Variants in TFPI2 observed in about 807,000 individuals in gnomAD.
The protein encoded by TFPI2 is placental protein 5.
In TFPI2, 23 loss-of-function variants were observed where a neutral mutation model predicts 23.1. The ratio of observed to expected loss-of-function variants is 1.00; its 90% confidence interval spans 0.72 to 1.41. The LOEUF is 1.41. Ranked by LOEUF, TFPI2 falls within the 40% of genes most tolerant of loss-of-function variation. TFPI2 has a pLI of 0.00. For synonymous variants in TFPI2, 119 were observed against 111.7 expected (o/e 1.07, Z -0.41); for missense variants, 291 against 299.6 (o/e 0.97, Z 0.21).
chr7:93,887,331 G>A lies in TFPI2; in HGVS notation c.561C>T (p.Thr187=), dbSNP rs754679984. The A allele has an allele frequency of 3.2e-5, 52 of 1,613,636 alleles. No homozygotes were observed. The East Asian group carries it at 9.8e-4, about 30-fold the overall frequency. ...NPRYRTCDAF[T]YTGCGGNDNN... ...TGTCATTCCCTCCACAGCCAGTATA[G>A]GTGAAAGCATCACAGGTTCTGTATC... Residue 187 remains threonine (T), a synonymous_variant, in exon 4 of 5, where the codon ACC becomes ACT. Transcript: ENST00000222543.
At chr7:93,887,470 A>G in intron 3 of TFPI2, 39 bp from the exon 4 acceptor site, 1 of 1,533,402 alleles carries the variant, frequency 6.5e-7, no homozygotes, top group Non-Finnish European at 8.9e-7. Context: ...ATGTTATAAT[A>G]CCAGAATTTT....
At chr7:93,888,950 G>T in intron 3 of TFPI2, 85 bp downstream of exon 3, 2 of 1,245,538 alleles carry the variant, frequency 1.6e-6, no homozygotes, top group Non-Finnish European at 1.1e-6. Context: ...AAATGCACAT[G>T]TTAATTTCGC....
At chr7:93,888,607 G>GAAAGAAAGAAAGAAAGAAAGAA (rs1247111128) in intron 3 of TFPI2, among the ~76,000 whole-genome samples, 1 of 140,260 alleles carries the variant, frequency 7.1e-6, no homozygotes, top group Non-Finnish European at 1.5e-5. Context: ...AAGAAAGAAA[G>GAAAGAAAGAAAGAAAGAAAGAA]AGAAAAAGAA....
In TFPI2 at chr7:93,889,186, G is replaced by A; in HGVS notation, c.309C>T (p.Asp103=). The change falls in exon 3 of 5, where the codon GAC becomes GAT. Residue 103 remains aspartate, a synonymous_variant. Transcript: ENST00000222543. ...PKVCRLQVSV[D]DQCEGSTEKY... is the part of the protein sequence containing the mutation. ...TTTCTGTGGACCCCTCACACTGGTCGTCCACACTCACTTGCAGCCGGCAAA... is the reference window on the plus strand; with the variant it reads ...TTTCTGTGGACCCCTCACACTGGTCATCCACACTCACTTGCAGCCGGCAAA... The A allele has an allele frequency of 2.5e-6, 4 of 1,599,614 alleles. No individual in the cohort carries two copies. Among genetic ancestry groups the A allele is most frequent in the East Asian group, 4.5e-5 (2 of 44,346 alleles).
rs754214799 is a variant in TFPI2 at position 93,887,291 on chromosome 7, T to G, written c.601A>C (p.Arg201=). 1 of 1,612,498 alleles carries G rather than the reference T, an allele frequency of 6.2e-7. No homozygotes were observed. The highest frequency in any genetic ancestry group is 1.3e-5 in the African/African-American group (1 of 74,912). ...CGGNDNNFVS[R]EDCKRACAKA... is the part of the protein sequence containing the mutation. ...GCACATGCACGTTTGCAATCCTCCC[T>G]GCTAACAAAGTTATTGTCATTCCCT... Residue 201 remains arginine, a synonymous_variant, in exon 4 of 5, where the codon AGG becomes CGG. Transcript: ENST00000222543.
rs1447745330 is a variant in TFPI2, at chr7:93,885,832, T to C, written c.*988A>G. 6.6e-6 allele frequency: 1 copy of C among 152,078 alleles called. No individual in the cohort carries two copies. The highest frequency in any genetic ancestry group is 2.4e-5 in the African/African-American group (1 of 41,446). The allele number at this position is 152,078 out of a possible 1,614,324, so 9.4% of individuals were successfully genotyped here. On this transcript the variant is annotated 3_prime_UTR_variant, in exon 5 of 5. Transcript: ENST00000222543. ...TTGTTCAAGCAAAAGGTAAACGCATTTGTCATTTTGCATATTTAATTTGTA... is the reference window on the plus strand; with the variant it reads ...TTGTTCAAGCAAAAGGTAAACGCATCTGTCATTTTGCATATTTAATTTGTA...
At chr7:93,887,849 TCCAGGTAA>T (rs1363756638) in intron 3 of TFPI2, among the ~76,000 whole-genome samples, 10 of 152,198 alleles carry the variant, frequency 6.6e-5, no homozygotes, top group African/African-American at 9.7e-5. Flanking sequence ...CATACTAATT[TCCAGGTAA>T]CCACTGGAGC....
chr7:93,886,368 G>A lies in TFPI2; in HGVS notation c.*452C>T, dbSNP rs1584074030. 6.6e-6 allele frequency: 1 copy of A among 152,552 alleles called. No homozygotes were observed. Among genetic ancestry groups the A allele is most frequent in the South Asian group, 2.1e-4 (1 of 4,846 alleles). 9.4% of individuals were successfully genotyped at this position (152,552 alleles called of 1,614,324 possible). A position where few individuals can be genotyped will look rare whatever the true frequency, so the allele number is the denominator to read the frequency against. On this transcript the variant is annotated 3_prime_UTR_variant, in exon 5 of 5. Transcript: ENST00000222543. ...AAAATGGGAGTAATATTTTTAAAGT[G>A]TTGTTAATCTGCGACTTTGTCTTCT...
Position 93,889,082 on chromosome 7 carries a change from C to T in TFPI2, c.413G>A (p.Arg138Lys), listed in dbSNP as rs777375118. 1.2e-6 allele frequency: 2 copies of T among 1,611,518 alleles called. No homozygotes were observed. Among genetic ancestry groups the T allele is most frequent in the Non-Finnish European group, 1.7e-6 (2 of 1,179,214 alleles). Residue 138 changes from arginine to lysine, a missense_variant, in exon 3 of 5, where the codon AGG becomes AAG. Physicochemically the swap from Arg to Lys is conservative, Grantham distance 26 (BLOSUM62 2). Transcript: ENST00000222543. ...GGCHRNRIEN[R>K]FPDEATCMGF... ...CATACAAGTAGCTTCATCTGGAAACCTGTTCTCAATCCGGTTCCGGTGACA... is the reference window on the plus strand; with the variant it reads ...CATACAAGTAGCTTCATCTGGAAACTTGTTCTCAATCCGGTTCCGGTGACA...
chr7:93,890,640 C>T lies in TFPI2; in HGVS notation c.39G>A (p.Leu13=). ...CCAGTGCAGCCTCCGTCAGGAAAAG[C>T]AGCAGAATCGACAGCCCCAGGGGGC... ...PARPLGLSIL[L]LFLTEAALGD... The change falls in exon 1 of 5, where the codon CTG becomes CTA. Residue 13 remains leucine, a synonymous_variant. Transcript: ENST00000222543. The T allele has an allele frequency of 2.5e-6, 4 of 1,613,422 alleles. No homozygotes were observed. Among genetic ancestry groups the T allele is most frequent in the Non-Finnish European group, 3.4e-6 (4 of 1,179,824 alleles).
intron 3 of TFPI2, among the ~76,000 whole-genome samples, chr7:93,888,443 G>A (rs1326170325): frequency 6.6e-6 from 1 of 150,872 alleles, no homozygotes; most frequent in African/African-American, 2.4e-5. Context: ...CAGATCATGA[G>A]GTCAGGAGAT....
At chr7:93,890,495 A>G (rs1186561848) in intron 1 of TFPI2, 96 bp downstream of exon 1, 2 of 1,470,678 alleles carry the variant, frequency 1.4e-6, no homozygotes, top group African/African-American at 2.8e-5. Context: ...AGGGACCTGG[A>G]GAAAGCGAGG....
Position 93,890,280 on chromosome 7 carries a change from C to A in TFPI2, c.128G>T (p.Gly43Val), listed in dbSNP as rs1197451751. The change falls in exon 2 of 5, where the codon GGA (glycine) becomes GTA (valine). Residue 43 changes from glycine to valine, a missense_variant. Gly to Val is a moderately radical substitution (Grantham distance 109, BLOSUM62 -3). Transcript: ENST00000222543. ...ACGGAGAAGTAGGGCCCGGCAGGGT[C>A]CGTAGTCTAGGGGCAGGAGACAGAT... is the stretch of plus-strand genomic sequence containing the variant. Reference protein sequence around the residue: ...AEICLLPLDYGPCRALLLRYY... With the variant: ...AEICLLPLDYVPCRALLLRYY... 1.9e-6 allele frequency: 3 copies of A among 1,613,212 alleles called. No homozygotes were observed. Among genetic ancestry groups the A allele is most frequent in the Admixed American group, 3.3e-5 (2 of 59,966 alleles).
rs1052133899 is a variant in TFPI2 at position 93,890,249 on chromosome 7, GTAGTAAC to G, written c.152_158del (p.Arg51ProfsTer37). 2.0e-5 allele frequency: 33 copies of G among 1,614,008 alleles called. No homozygotes were observed. The highest frequency in any genetic ancestry group is 2.8e-5 in the Non-Finnish European group (33 of 1,179,852). ...GGCAGCTCTGCGTGTACCTGTCGTA[GTAGTAAC>G]GGAGAAGTAGGGCCCGGCAGGGTCC... On this transcript the variant is annotated frameshift_variant, in exon 2 of 5. Transcript: ENST00000222543. LOFTEE classifies it high-confidence loss of function.
chr7:93,888,548 G>A (rs200933950), intron 3 of TFPI2, among the ~76,000 whole-genome samples: 3 of 66,816 alleles, frequency 4.5e-5, no homozygotes, highest in South Asian at 4.8e-4. Context: ...AAGGAAAGAA[G>A]GAAGGAAGGA....
Position 93,890,741 on chromosome 7 carries a change from T to A in TFPI2, c.-63A>T. The A allele has an allele frequency of 1.3e-6, 2 of 1,495,552 alleles. No individual in the cohort carries two copies. The highest frequency in any genetic ancestry group is 1.8e-6 in the Non-Finnish European group (2 of 1,094,928). 92.6% of individuals were successfully genotyped at this position (1,495,552 alleles called of 1,614,324 possible). ...CGAGAAAGCGCCTGGCGGGAGGAGG[T>A]GCGCGGCTTTCTGCTCCAGGCGGCC... On this transcript the variant is annotated 5_prime_UTR_variant, in exon 1 of 5. Transcript: ENST00000222543.
At chr7:93,890,046 T>A (rs544251632) in intron 2 of TFPI2, 91 bp downstream of exon 2, 4 of 1,380,546 alleles carry the variant, frequency 2.9e-6, no homozygotes, top group Non-Finnish European at 3.9e-6. Flanking sequence ...TAAAACTTCC[T>A]GTAGAAAGCG....
chr7:93,887,098 A>G (rs1398618375), intron 4 of TFPI2, among the ~76,000 whole-genome samples, 163 bp downstream of exon 4: 1 of 152,236 alleles, frequency 6.6e-6, no homozygotes, highest in Non-Finnish European at 1.5e-5. Context: ...GCTAGCCAGT[A>G]AAAGCATTTT....
chr7:93,887,145 G>T, intron 4 of TFPI2, 116 bp downstream of exon 4: 1 of 1,039,932 alleles, frequency 9.6e-7, no homozygotes, highest in Non-Finnish European at 1.4e-6. Flanking sequence ...TACTTATGTA[G>T]AAGTAGTCTA....
Sources: gnomAD v4.1 joint callset for allele counts (sites outside exome capture counted in the v4.1 genomes callset) on GRCh38, gnomAD v4.1.1 for gene constraint, MANE v1.5 for transcripts, NCBI Gene and HGNC (gene_info 2026-07-23, HGNC 2026-07-21) for gene names.